Variants in RNASE10 observed in about 807,000 individuals in gnomAD.
RNASE10 encodes the protein inactive ribonuclease-like protein 10.
Under a neutral mutation model 1.1 loss-of-function variants are expected in RNASE10, and 2 were observed. The ratio of observed to expected loss-of-function variants is 1.82; its 90% CI spans 0.74 to 5.73. The LOEUF is 5.73. Among genes scored for constraint, RNASE10 ranks in the 30% most tolerant of loss-of-function variants. The probability of loss-of-function intolerance (pLI) is 0.05; values close to 1 mark genes in which losing one functional copy is unlikely to be tolerated. For missense variants in RNASE10, 276 were observed against 263.4 expected (o/e 1.05, Z -0.33); for synonymous variants, 97 against 96.2 (o/e 1.01, Z -0.05).
intron 1 of RNASE10, among the ~76,000 whole-genome samples, chr14:20,508,923 C>T (rs550910729): frequency 6.6e-6 from 1 of 152,226 alleles, no homozygotes; most frequent in South Asian, 2.1e-4. Flanking sequence ...ATACTCTTAT[C>T]TACTACAGAG....
chr14:20,510,522 G>A (rs1882868852), exon 2 of RNASE10: 2 of 1,613,834 alleles, frequency 1.2e-6, no homozygotes, highest in African/African-American at 2.7e-5. Flanking sequence ...TGCTGCTGCT[G>A]GGCCTGGGGA....
chr14:20,506,772 C>T (rs1882741678), intron 1 of RNASE10, among the ~76,000 whole-genome samples: 1 of 114,680 alleles, frequency 8.7e-6, no homozygotes, highest in Non-Finnish European at 1.8e-5. Context: ...TGGGGGGGGT[C>T]AGCCCCCCGC....
At chr14:20,510,748 G>T in exon 2 of RNASE10, 1 of 1,614,152 alleles carries the variant, frequency 6.2e-7, no homozygotes, top group Non-Finnish European at 8.5e-7. Context: ...TGAGGTTGGG[G>T]GTAACAAGAT....
chr14:20,504,425 T>A (rs55636101), upstream of RNASE10, among the ~76,000 whole-genome samples: 1,381 of 152,246 alleles, frequency 9.1e-3, 12 homozygotes, highest in Non-Finnish European at 0.015. Context: ...AATAATTTTT[T>A]AATAAATTTT....
intron 1 of RNASE10, among the ~76,000 whole-genome samples, chr14:20,506,780 CG>C (rs1440826696): frequency 8.1e-6 from 1 of 124,216 alleles, no homozygotes; most frequent in South Asian, 2.9e-4. Flanking sequence ...GTCAGCCCCC[CG>C]CCCGGCCAGC....
chr14:20,504,594 A>G (rs1184041448), upstream of RNASE10, among the ~76,000 whole-genome samples: 1 of 144,226 alleles, frequency 6.9e-6, no homozygotes, highest in Non-Finnish European at 1.5e-5. Context: ...AGGCTGAGGC[A>G]GGAGAATGGC....
chr14:20,507,619 T>TA (rs376881720), intron 1 of RNASE10, among the ~76,000 whole-genome samples: 37,269 of 130,144 alleles, frequency 0.29, 5,232 homozygotes, highest in African/African-American at 0.32. Flanking sequence ...ATTAAAAAAA[T>TA]AAATAAATAA....
chr14:20,513,725 A>G (rs148390727), downstream of RNASE10, among the ~76,000 whole-genome samples: 590 of 152,344 alleles, frequency 3.9e-3, 6 homozygotes, highest in Non-Finnish European at 3.2e-3. Context: ...TTAGTCATAT[A>G]TGATATAAAC....
intron 1 of RNASE10, among the ~76,000 whole-genome samples, chr14:20,508,002 G>A (rs756266254): frequency 6.6e-6 from 1 of 151,946 alleles, no homozygotes; most frequent in African/African-American, 2.4e-5. Flanking sequence ...CACCTGCCTC[G>A]GTCTCCCAAA....
upstream of RNASE10, among the ~76,000 whole-genome samples, chr14:20,504,867 A>C (rs943520391): frequency 3.3e-5 from 5 of 151,964 alleles, no homozygotes; most frequent in African/African-American, 1.2e-4. Flanking sequence ...ACGTAGCCTC[A>C]GTCCCTAACC....
upstream of RNASE10, chr14:20,505,480 GT>G (rs1594438948): frequency 2.7e-5 from 2 of 75,392 alleles, 1 homozygote; most frequent in Non-Finnish European, 4.6e-5. Flanking sequence ...CGCCTGACTG[GT>G]TTTCGTACTT....
chr14:20,507,587 G>A (rs1439247013), intron 1 of RNASE10, among the ~76,000 whole-genome samples: 1 of 132,224 alleles, frequency 7.6e-6, no homozygotes, highest in Non-Finnish European at 1.6e-5. Flanking sequence ...CCCCCTCTGC[G>A]AGAAACACCC....
exon 2 of RNASE10, chr14:20,510,786 C>A: frequency 6.2e-7 from 1 of 1,614,182 alleles, no homozygotes; most frequent in Non-Finnish European, 8.5e-7. Context: ...TCTTTCAGAG[C>A]AACAAAGACT....
chr14:20,504,812 A>G (rs560526895), upstream of RNASE10, among the ~76,000 whole-genome samples: 3 of 151,222 alleles, frequency 2.0e-5, no homozygotes, highest in East Asian at 5.8e-4. Flanking sequence ...CGTCCACAAA[A>G]CTCTTCCAGA....
At chr14:20,506,627 G>GC (rs1403831978) in intron 1 of RNASE10, among the ~76,000 whole-genome samples, 16 of 99,902 alleles carry the variant, frequency 1.6e-4, no homozygotes, top group African/African-American at 7.3e-4. Context: ...GGGGGGATCA[G>GC]CCCCCCGCCT....
At chr14:20,512,760 G>C (rs527358494), downstream of RNASE10, among the ~76,000 whole-genome samples, 116 of 152,310 alleles carry the variant, frequency 7.6e-4, no homozygotes, top group African/African-American at 2.6e-3. Flanking sequence ...CTGTGGGCTG[G>C]CCTGATGTTT....
chr14:20,510,913 G>T, exon 2 of RNASE10: 2 of 1,614,042 alleles, frequency 1.2e-6, no homozygotes, highest in Non-Finnish European at 1.7e-6. Context: ...TCTAAACACA[G>T]TCAAAGCTGT....
At position 20,510,031 on chromosome 14, in the gene RNASE10, A is replaced by G. The variant is rs571463733; in HGVS notation, c.80-436A>G. ...CTACTTGGGAGGCTGAAGCAGAAGG[A>G]TCACTTGACCCTGGGAGATTGAGGC... On this transcript the variant is annotated intron_variant, in intron 1 of 1. Coordinates refer to ENST00000430083, the Ensembl canonical transcript of RNASE10. 7.9e-5 allele frequency among the ~76,000 whole-genome samples: 12 copies of G among 151,118 alleles called. No homozygotes were observed. The South Asian group carries it at 2.5e-3, about 32-fold the overall frequency.
chr14:20,509,229 A>G (rs1370273659), intron 1 of RNASE10, among the ~76,000 whole-genome samples: 2 of 152,158 alleles, frequency 1.3e-5, no homozygotes, highest in Admixed American at 6.5e-5. Context: ...TTGTATTTTT[A>G]GTAGAGATGG....
Sources: gnomAD v4.1 joint callset for allele counts (sites outside exome capture counted in the v4.1 genomes callset) on GRCh38, gnomAD v4.1.1 for gene constraint, MANE v1.5 for transcripts, NCBI Gene and HGNC (gene_info 2026-07-23, HGNC 2026-07-21) for gene names.